The following CCDC9 variants were observed in gnomAD, a reference collection of about 807,000 sequenced individuals.
The protein encoded by CCDC9 is coiled-coil domain containing 9.
In CCDC9, 52 loss-of-function variants were observed where a neutral mutation model predicts 65.6. That is an observed-to-expected ratio of 0.79 (90% confidence interval 0.63 to 1.00). The LOEUF is 1.00. CCDC9 is among the 50% of genes least tolerant of loss of function. The probability of loss-of-function intolerance (pLI) is 0.00; values close to 1 mark genes in which losing one functional copy is unlikely to be tolerated. For missense variants in CCDC9, 834 were observed against 757.2 expected, an observed-to-expected ratio of 1.10 and a Z score of -1.19; for synonymous variants, 332 against 280.3, an observed-to-expected ratio of 1.18 and a Z score of -1.84.
downstream of CCDC9, chr19:47,274,791 G>T (rs1271079120): frequency 2.3e-5 from 11 of 485,596 alleles, no homozygotes; most frequent in African/African-American, 1.1e-3. Context: ...GTGGGGGCGT[G>T]ACCATGCTGG....
At chr19:47,275,302 C>T, downstream of CCDC9, 1 of 1,546,580 alleles carries the variant, frequency 6.5e-7, no homozygotes, top group Non-Finnish European at 8.7e-7. Flanking sequence ...AGCCGCCAGA[C>T]ACCCAGAGAG....
Position 47,271,712 on chromosome 19 carries a change from TGTGTGTGTGTGTGTGTGTGTGCGCGCGC to T in CCDC9, c.*36_*63del, listed in dbSNP as rs747796606. 296 of 1,373,920 alleles carry T rather than the reference TGTGTGTGTGTGTGTGTGTGTGCGCGCGC, an allele frequency of 2.2e-4. No homozygotes were observed. The highest frequency in any genetic ancestry group is 3.1e-4 in the African/African-American group (15 of 47,878). The allele number at this position is 1,373,920 out of a possible 1,614,324, so 85.1% of individuals were successfully genotyped here. A position where few individuals can be genotyped will look rare whatever the true frequency, so the allele number is the denominator to read the frequency against. On this transcript the variant is annotated 3_prime_UTR_variant, in exon 12 of 12. Coordinates refer to ENST00000221922, the MANE Select transcript of CCDC9 (RefSeq NM_015603.3). ...GCCTGTGTGTGTGTGTGTGTGTGTG[TGTGTGTGTGTGTGTGTGTGTGCGCGCGC>T]GCGCGCGCGCGCGCGCGCGCTAGAG... is the stretch of plus-strand genomic sequence containing the variant.
At chr19:47,274,952 C>G (rs769040541), downstream of CCDC9, 407 of 1,366,106 alleles carry the variant, frequency 3.0e-4, 2 homozygotes, top group Non-Finnish European at 3.7e-4. Context: ...GCGGCGGCGC[C>G]GAGAGCCCCG....
At chr19:47,272,063 C>G, downstream of CCDC9, 1 of 1,236,352 alleles carries the variant, frequency 8.1e-7, no homozygotes, top group Non-Finnish European at 1.0e-6. Flanking sequence ...GGCTCCCCTT[C>G]CCTAGGAGGT....
At chr19:47,266,495 A>G in intron 7 of CCDC9, 116 bp from the exon 8 acceptor site, 1 of 1,419,942 alleles carries the variant, frequency 7.0e-7, no homozygotes, top group Non-Finnish European at 9.2e-7. Flanking sequence ...GTTGATTGTG[A>G]TCTCTGCCTT....
At chr19:47,256,773 T>A (rs1600272630) in intron 1 of CCDC9, among the ~76,000 whole-genome samples, 164 bp downstream of exon 1, 1 of 6,896 alleles carries the variant, frequency 1.5e-4, no homozygotes. Context: ...GGGCGGGCCG[T>A]TGGGTGGGTG....
chr19:47,275,308 G>A (rs1357013405), downstream of CCDC9: 1 of 1,546,398 alleles, frequency 6.5e-7, no homozygotes, highest in Non-Finnish European at 8.7e-7. Context: ...CAGACACCCA[G>A]AGAGACGCCA....
chr19:47,263,347 C>T (rs1457558875), intron 5 of CCDC9, among the ~76,000 whole-genome samples: 1 of 152,056 alleles, frequency 6.6e-6, no homozygotes, highest in Non-Finnish European at 1.5e-5. Flanking sequence ...AAAGCAAAAT[C>T]AGCAGGGGGC....
chr19:47,271,375 G>A lies in CCDC9; in HGVS notation c.1293G>A (p.Glu431=). Residue 431 remains glutamate, a synonymous_variant, in exon 12 of 12, where the codon GAG becomes GAA. Coordinates refer to ENST00000221922, the MANE Select transcript of CCDC9 (RefSeq NM_015603.3). The part of the protein sequence containing the change: ...DEEWEDISED[E]EEEEIEVEEG... ...AATGGGAGGACATAAGTGAGGATGA[G>A]GAAGAGGAGGAGATCGAGGTGGAAG... The A allele has an allele frequency of 6.2e-7, 1 of 1,613,584 alleles. No homozygotes were observed. Among genetic ancestry groups the A allele is most frequent in the Non-Finnish European group, 8.5e-7 (1 of 1,179,816 alleles).
At chr19:47,262,245 C>T (rs1263716294) in intron 5 of CCDC9, among the ~76,000 whole-genome samples, 6 of 137,668 alleles carry the variant, frequency 4.4e-5, no homozygotes, top group African/African-American at 1.6e-4. Context: ...GAGACAGAGT[C>T]TCACTTTGTT....
intron 3 of CCDC9, among the ~76,000 whole-genome samples, chr19:47,259,651 T>C (rs2059032194): frequency 6.6e-6 from 1 of 152,188 alleles, no homozygotes; most frequent in African/African-American, 2.4e-5. Context: ...TATTCATTCA[T>C]TTTAAAAAAG....
Position 47,270,409 on chromosome 19 carries a change from T to C in CCDC9, c.905T>C (p.Phe302Ser). 1 of 1,614,100 alleles carries C rather than the reference T, an allele frequency of 6.2e-7. No individual in the cohort carries two copies. Among genetic ancestry groups the C allele is most frequent in the Non-Finnish European group, 8.5e-7 (1 of 1,179,996 alleles). ...EWDAEKTDGM[F>S]KDGPVPAHEP... ...CTCACCCGTTATCTTTCCCCCAGGT[T>C]CAAGGATGGCCCAGTCCCTGCCCAT... Residue 302 changes from phenylalanine to serine, a missense_variant and splice_region_variant, in exon 9 of 12, where the codon TTC becomes TCC. Coordinates refer to ENST00000221922, the MANE Select transcript of CCDC9 (RefSeq NM_015603.3).
At chr19:47,266,415 C>A in intron 7 of CCDC9, 196 bp from the exon 8 acceptor site, 1 of 672,028 alleles carries the variant, frequency 1.5e-6, no homozygotes, top group Non-Finnish European at 2.3e-6. Flanking sequence ...AATCCAGCAG[C>A]TGAGGGGACA....
chr19:47,263,181 C>T (rs969461811), intron 5 of CCDC9, among the ~76,000 whole-genome samples: 1 of 152,014 alleles, frequency 6.6e-6, no homozygotes, highest in Admixed American at 6.6e-5. Flanking sequence ...GGGTAGGTCA[C>T]CTAACCATCT....
intron 8 of CCDC9, among the ~76,000 whole-genome samples, chr19:47,268,729 A>G (rs1382305660): frequency 6.6e-6 from 1 of 151,768 alleles, no homozygotes; most frequent in Non-Finnish European, 1.5e-5. Context: ...CATCCTGGCT[A>G]ACACGGTGAA....
At chr19:47,273,524 C>T (rs1316805904), downstream of CCDC9, 1 of 497,128 alleles carries the variant, frequency 2.0e-6, no homozygotes, top group Non-Finnish European at 3.2e-6. Context: ...GCTCCTCTGT[C>T]CTCTGCTTCT....
chr19:47,270,748 CT>C, intron 10 of CCDC9, 60 bp downstream of exon 10: 1 of 1,509,572 alleles, frequency 6.6e-7, no homozygotes, highest in South Asian at 1.2e-5. Flanking sequence ...GCGTTCTCTT[CT>C]TTGGCTTGCT....
chr19:47,272,895 C>T (rs116151324), downstream of CCDC9, among the ~76,000 whole-genome samples: 2,824 of 152,258 alleles, frequency 0.019, 119 homozygotes, highest in African/African-American at 0.065. Flanking sequence ...CAGATGGCCT[C>T]CCCTTCCCCC....
chr19:47,272,221 G>A (rs1256907417), downstream of CCDC9: 16 of 1,129,172 alleles, frequency 1.4e-5, no homozygotes, highest in Non-Finnish European at 1.8e-5. Context: ...CTGGGGCTGA[G>A]GGGCAGAGGG....
Sources: gnomAD v4.1 joint callset for allele counts (sites outside exome capture counted in the v4.1 genomes callset) on GRCh38, gnomAD v4.1.1 for gene constraint, MANE v1.5 for transcripts, NCBI Gene and HGNC (gene_info 2026-07-23, HGNC 2026-07-21) for gene names.